NR5A2: variants seen among roughly 807,000 people sequenced by gnomAD.
NR5A2 encodes the protein CYP7A promoter-binding factor.
In NR5A2, 26 loss-of-function variants were observed where a neutral mutation model predicts 62.7. That is an observed-to-expected ratio of 0.41 (90% CI 0.30 to 0.58). The LOEUF is 0.58. NR5A2 is among the 20% of genes least tolerant of loss of function. The pLI is 0.22. For synonymous variants in NR5A2, 246 were observed against 241.7 expected (o/e 1.02, Z -0.16); for missense variants, 541 against 669.1 (o/e 0.81, Z 2.11).
chr1:200,120,099 ATAATT>A lies in NR5A2; in HGVS notation c.1231-706_1231-702del, dbSNP rs562309281. Among the ~76,000 whole-genome samples, 4 of 152,294 alleles carry A rather than the reference ATAATT, an allele frequency of 2.6e-5. 1 individual carries two copies. The South Asian group carries it at 8.3e-4, about 32-fold the overall frequency. On this transcript the variant is annotated intron_variant, in intron 6 of 7. Coordinates refer to ENST00000367362, the MANE Select transcript of NR5A2 (RefSeq NM_205860.3). Reference sequence around the variant, plus strand: ...TTTTTAGGAAACAGAAAACTAAAGAATAATTTATTTGTATTTATTTTAAATTTTTA... The same window carrying A: ...TTTTTAGGAAACAGAAAACTAAAGAATATTTGTATTTATTTTAAATTTTTA...
At chr1:200,035,987 C>G (rs1292724550) in intron 1 of NR5A2, among the ~76,000 whole-genome samples, 1 of 152,164 alleles carries the variant, frequency 6.6e-6, no homozygotes, top group African/African-American at 2.4e-5. Flanking sequence ...TTACAATTCC[C>G]GCAGCGGTAA....
chr1:200,167,896 C>A (rs1397611151), intron 7 of NR5A2, among the ~76,000 whole-genome samples: 1 of 152,146 alleles, frequency 6.6e-6, no homozygotes, highest in Non-Finnish European at 1.5e-5. Context: ...CCCCAGGGAC[C>A]CCTCTTTTCT....
chr1:200,112,573 CCAAT>C (rs1553273840), intron 6 of NR5A2, among the ~76,000 whole-genome samples: 1 of 152,154 alleles, frequency 6.6e-6, no homozygotes, highest in Non-Finnish European at 1.5e-5. Flanking sequence ...TCAAAATTTC[CCAAT>C]CAAATTAAAA....
At chr1:200,131,353 A>G (rs1347013591) in intron 7 of NR5A2, among the ~76,000 whole-genome samples, 1 of 152,204 alleles carries the variant, frequency 6.6e-6, no homozygotes, top group Non-Finnish European at 1.5e-5. Context: ...AGTGATTATC[A>G]TTTGTTATTT....
intron 5 of NR5A2, among the ~76,000 whole-genome samples, chr1:200,074,866 G>C (rs1261959703): frequency 6.8e-6 from 1 of 147,128 alleles, no homozygotes; most frequent in Non-Finnish European, 1.5e-5. Context: ...CCCATAAGTA[G>C]TCATGATAGA....
At chr1:200,166,470 A>G (rs1323110441) in intron 7 of NR5A2, among the ~76,000 whole-genome samples, 1 of 152,198 alleles carries the variant, frequency 6.6e-6, no homozygotes, top group Non-Finnish European at 1.5e-5. Context: ...TTAAATGTCA[A>G]ATGTATATTA....
At position 200,027,741 on chromosome 1, in the gene NR5A2, T is replaced by C. The variant is rs1661398600; in HGVS notation, c.-107T>C. ...TCTTAACTTTCACTAAGGGTTACTG[T>C]AGTCTGATGTGTCCTTCCCAAGGCC... On this transcript the variant is annotated 5_prime_UTR_variant, in exon 1 of 8. Coordinates refer to ENST00000367362, the MANE Select transcript of NR5A2 (RefSeq NM_205860.3). 2 of 616,060 alleles carry C rather than the reference T, an allele frequency of 3.2e-6. No individual in the cohort carries two copies. The highest frequency in any genetic ancestry group is 3.8e-5 in the African/African-American group (2 of 52,924). 38.2% of individuals were successfully genotyped at this position (616,060 alleles called of 1,614,324 possible).
chr1:200,098,079 C>T (rs147463265), intron 5 of NR5A2, among the ~76,000 whole-genome samples: 5 of 152,132 alleles, frequency 3.3e-5, no homozygotes, highest in African/African-American at 9.6e-5. Context: ...TTTCCATGTC[C>T]CTCCTTTTGA....
intron 7 of NR5A2, among the ~76,000 whole-genome samples, chr1:200,128,074 T>C (rs1480546909): frequency 1.3e-5 from 2 of 152,062 alleles, no homozygotes; most frequent in African/African-American, 4.8e-5. Flanking sequence ...ATTCACTCAG[T>C]TTCTAAATAC....
intron 7 of NR5A2, among the ~76,000 whole-genome samples, chr1:200,133,516 T>TATATATAC (rs1191982332): frequency 2.9e-4 from 33 of 112,172 alleles, no homozygotes; most frequent in African/African-American, 1.2e-3. Flanking sequence ...TATATATATA[T>TATATATAC]ATATATATAT....
In NR5A2 at chr1:200,176,083, T is replaced by C. The variant is rs1433395865; in HGVS notation, c.*1873T>C. The C allele has an allele frequency of 6.6e-6, 1 of 152,668 alleles. No homozygotes were observed. Among genetic ancestry groups the C allele is most frequent in the Non-Finnish European group, 1.5e-5 (1 of 68,040 alleles). The allele number at this position is 152,668 out of a possible 1,614,324, so 9.5% of individuals were successfully genotyped here. A position where few individuals can be genotyped will look rare whatever the true frequency, so the allele number is the denominator to read the frequency against. The stretch of plus-strand genomic sequence containing the variant: ...GTTCAGGGACATAGAAGAGTCTTAA[T>C]GAATTAAAATCATTCACTTGATTAA... On this transcript the variant is annotated 3_prime_UTR_variant, in exon 8 of 8. Coordinates refer to ENST00000367362, the MANE Select transcript of NR5A2 (RefSeq NM_205860.3).
rs3033980 is a variant in NR5A2, at chr1:200,073,235, C to CATATATAT, written c.1110+24436_1110+24443dup. 1.7e-3 allele frequency among the ~76,000 whole-genome samples: 185 copies of CATATATAT among 105,924 alleles called. 4 individuals are homozygous for CATATATAT. Among genetic ancestry groups the CATATATAT allele is most frequent in the African/African-American group, 4.6e-3 (123 of 26,670 alleles). The allele number at this position is 105,924 out of a possible 152,430, so 69.5% of individuals were successfully genotyped here. A position where few individuals can be genotyped will look rare whatever the true frequency, so the allele number is the denominator to read the frequency against. On this transcript the variant is annotated intron_variant, in intron 5 of 7. Coordinates refer to ENST00000367362, the MANE Select transcript of NR5A2 (RefSeq NM_205860.3). Reference sequence around the variant, plus strand: ...TGACTTTGGTCAAAGCATTTACATACATATATATATATATATATATATATA... The same window carrying CATATATAT: ...TGACTTTGGTCAAAGCATTTACATACATATATATATATATATATATATATATATATATA...
At chr1:200,148,075 C>A in intron 7 of NR5A2, 1 of 287,100 alleles carries the variant, frequency 3.5e-6, no homozygotes, top group Non-Finnish European at 6.8e-6. Flanking sequence ...GGGCCCGCCT[C>A]GAAGGTATCC....
chr1:200,038,126 T>A (rs1366868704), intron 1 of NR5A2, among the ~76,000 whole-genome samples: 1 of 152,188 alleles, frequency 6.6e-6, no homozygotes, highest in East Asian at 1.9e-4. Flanking sequence ...ATCTGAAAAC[T>A]TTGAAGATGC....
chr1:200,145,271 C>A (rs908841625), intron 7 of NR5A2, among the ~76,000 whole-genome samples: 5 of 152,112 alleles, frequency 3.3e-5, no homozygotes, highest in African/African-American at 1.2e-4. Context: ...GACTGAGACA[C>A]TGCACTCCAG....
chr1:200,138,947 A>G (rs932988595), intron 7 of NR5A2, among the ~76,000 whole-genome samples: 1 of 152,196 alleles, frequency 6.6e-6, no homozygotes, highest in African/African-American at 2.4e-5. Flanking sequence ...CAAAGAACCC[A>G]GTGGGGTCTT....
At chr1:200,114,345 AAAAG>A (rs1666119719) in intron 6 of NR5A2, among the ~76,000 whole-genome samples, 1 of 151,562 alleles carries the variant, frequency 6.6e-6, no homozygotes, top group Non-Finnish European at 1.5e-5. Flanking sequence ...AAAAAAGAAA[AAAAG>A]AACTGCTTCC....
intron 5 of NR5A2, among the ~76,000 whole-genome samples, chr1:200,102,102 T>A (rs1467244693): frequency 6.6e-6 from 1 of 152,230 alleles, no homozygotes; most frequent in Non-Finnish European, 1.5e-5. Context: ...TATCTTTATA[T>A]AAAGTAGTGT....
intron 5 of NR5A2, among the ~76,000 whole-genome samples, chr1:200,072,787 G>A (rs533725097): frequency 6.6e-6 from 1 of 152,216 alleles, no homozygotes; most frequent in African/African-American, 2.4e-5. Context: ...ACTATTATTA[G>A]CAAGTATGAA....
Sources: gnomAD v4.1 joint callset for allele counts (sites outside exome capture counted in the v4.1 genomes callset) on GRCh38, gnomAD v4.1.1 for gene constraint, MANE v1.5 for transcripts, NCBI Gene and HGNC (gene_info 2026-07-23, HGNC 2026-07-21) for gene names.